PUS10: variants seen among roughly 807,000 people sequenced by gnomAD.
PUS10 encodes the protein tRNA pseudouridine synthase Pus10.
Under a neutral mutation model 75.0 loss-of-function variants are expected in PUS10, and 59 were observed. The observed-to-expected ratio is 0.79, with a 90% CI of 0.64 to 0.98. The LOEUF (loss-of-function observed/expected upper bound fraction) is 0.98, where lower values mean the gene tolerates loss of function less well. PUS10 is among the 50% of genes least tolerant of loss of function. PUS10 has a pLI of 0.00. For synonymous variants in PUS10, 219 were observed against 211.6 expected, an observed-to-expected ratio of 1.03 and a Z score of -0.30; for missense variants, 650 against 614.4, an observed-to-expected ratio of 1.06 and a Z score of -0.61.
chr2:60,987,256 A>G (rs1278321519), intron 4 of PUS10, among the ~76,000 whole-genome samples: 1 of 152,224 alleles, frequency 6.6e-6, no homozygotes, highest in African/African-American at 2.4e-5. Context: ...ATTTAACCAC[A>G]CACCCAGTGA....
intron 2 of PUS10, chr2:61,010,266 A>T (rs1400863749): frequency 6.4e-6 from 1 of 155,454 alleles, no homozygotes; most frequent in East Asian, 1.8e-4. Flanking sequence ...TGTATAAATG[A>T]ATATACACAT....
intron 7 of PUS10, 137 bp from the exon 8 acceptor site, chr2:60,965,240 T>C (rs878999787): frequency 8.0e-6 from 8 of 1,006,194 alleles, no homozygotes; most frequent in African/African-American, 1.6e-5. Context: ...GTATGAGCTA[T>C]ATCGGTTTGC....
intron 4 of PUS10, among the ~76,000 whole-genome samples, chr2:60,976,429 C>T (rs1476665470): frequency 6.6e-6 from 1 of 152,120 alleles, no homozygotes; most frequent in Non-Finnish European, 1.5e-5. Context: ...TCTTAGTGAC[C>T]TTTGTGTCTC....
intron 12 of PUS10, 108 bp from the exon 13 acceptor site, chr2:60,954,266 C>G: frequency 3.1e-6 from 3 of 957,728 alleles, no homozygotes; most frequent in Non-Finnish European, 4.9e-6. Flanking sequence ...CTCTAGAGGA[C>G]TGAAAGTTTA....
chr2:60,972,290 C>T (rs1308228375), intron 4 of PUS10, among the ~76,000 whole-genome samples: 1 of 150,498 alleles, frequency 6.6e-6, no homozygotes, highest in Non-Finnish European at 1.5e-5. Flanking sequence ...GGTGAAACCC[C>T]GTCTCTACTG....
Position 61,008,846 on chromosome 2 carries a change from G to A in PUS10, c.296C>T (p.Thr99Ile). 1 of 1,607,562 alleles carries A rather than the reference G, an allele frequency of 6.2e-7. No homozygotes were observed. The highest frequency in any genetic ancestry group is 8.5e-7 in the Non-Finnish European group (1 of 1,174,324). ...GRISVSHVGS[T>I]ASKNSNLNVC... ...ATTTAAATTTGAGTTCTTGGAAGCA[G>A]TGCTTCCAACATGACTAACAGAGAT... The change falls in exon 3 of 18, where the codon ACT becomes ATT. Residue 99 changes from threonine to isoleucine, a missense_variant. By Grantham distance (89) the Thr-to-Ile change is moderately conservative. Coordinates refer to ENST00000316752, the MANE Select transcript of PUS10 (RefSeq NM_144709.4).
intron 4 of PUS10, among the ~76,000 whole-genome samples, chr2:61,005,063 T>C (rs1478592521): frequency 6.6e-6 from 1 of 152,172 alleles, no homozygotes; most frequent in African/African-American, 2.4e-5. Context: ...GAGACCAGCC[T>C]GACCAACGTG....
At chr2:61,016,868 G>C (rs1231821844) in intron 1 of PUS10, among the ~76,000 whole-genome samples, 1 of 152,116 alleles carries the variant, frequency 6.6e-6, no homozygotes, top group African/African-American at 2.4e-5. Context: ...CGCGGCGTGG[G>C]GCTGGGGGTG....
chr2:60,954,518 A>G (rs1675533546), intron 12 of PUS10, among the ~76,000 whole-genome samples: 1 of 152,242 alleles, frequency 6.6e-6, no homozygotes, highest in Non-Finnish European at 1.5e-5. Flanking sequence ...AGCCTGATCC[A>G]CTAGTGAAAT....
intron 1 of PUS10, among the ~76,000 whole-genome samples, chr2:61,012,974 T>G (rs1679725262): frequency 6.7e-6 from 1 of 148,164 alleles, no homozygotes; most frequent in Non-Finnish European, 1.5e-5. Flanking sequence ...CAAGGTGCAG[T>G]GGCTCACATC....
Position 60,960,495 on chromosome 2 carries a change from C to T in PUS10, c.897G>A (p.Arg299=). ...TTATCCAAGGAGTTTGTGGTAGATTCCTGGAGTATTTATTATATCTCCCTG... is the reference window on the plus strand; with the variant it reads ...TTATCCAAGGAGTTTGTGGTAGATTTCTGGAGTATTTATTATATCTCCCTG... ...FVAGRYNKYS[R]NLPQTPWIID... Residue 299 remains arginine, a synonymous_variant, in exon 11 of 18, where the codon AGG becomes AGA. Transcript: ENST00000316752. 4 of 1,574,904 alleles carry T rather than the reference C, an allele frequency of 2.5e-6. No individual in the cohort carries two copies. Among genetic ancestry groups the T allele is most frequent in the South Asian group, 1.2e-5 (1 of 83,516 alleles).
At position 60,942,413 on chromosome 2, in the gene PUS10, T is replaced by C. The variant is rs1437358217; in HGVS notation, c.1572A>G (p.Pro524=). The change falls in exon 18 of 18, where the codon CCA becomes CCG. Residue 524 remains proline, a synonymous_variant. Coordinates refer to ENST00000316752, the MANE Select transcript of PUS10 (RefSeq NM_144709.4). ...TTGAAAGCTAGTCATCCAGAGCAGG[T>C]GGCCAGTCAACATCTACAGACTAGA... is the stretch of plus-strand genomic sequence containing the variant. ...LDVESVDVDW[P]PALDD 1.1e-5 allele frequency: 17 copies of C among 1,613,544 alleles called. No individual in the cohort carries two copies. Among genetic ancestry groups the C allele is most frequent in the Non-Finnish European group, 1.4e-5 (17 of 1,179,466 alleles).
chr2:60,979,045 A>T (rs1677214192), intron 4 of PUS10, among the ~76,000 whole-genome samples: 1 of 152,232 alleles, frequency 6.6e-6, no homozygotes, highest in African/African-American at 2.4e-5. Flanking sequence ...AAATGACAAT[A>T]GTTGTGTGGG....
At chr2:61,007,789 A>G (rs1326698317) in intron 3 of PUS10, among the ~76,000 whole-genome samples, 1 of 148,672 alleles carries the variant, frequency 6.7e-6, no homozygotes, top group Non-Finnish European at 1.5e-5. Flanking sequence ...AAAAAACAGA[A>G]AAAAAAAAGA....
intron 4 of PUS10, among the ~76,000 whole-genome samples, chr2:60,980,638 C>T (rs1677326970): frequency 6.6e-6 from 1 of 152,188 alleles, no homozygotes; most frequent in Admixed American, 6.5e-5. Flanking sequence ...AACCAAAACA[C>T]CAAGTAGGTC....
At chr2:60,973,307 C>T (rs1382187327) in intron 4 of PUS10, among the ~76,000 whole-genome samples, 1 of 152,236 alleles carries the variant, frequency 6.6e-6, no homozygotes, top group Non-Finnish European at 1.5e-5. Flanking sequence ...GGAGTCTCAC[C>T]CAACTTGCGG....
chr2:61,005,729 A>G (rs1356191822), intron 4 of PUS10, among the ~76,000 whole-genome samples: 1 of 152,218 alleles, frequency 6.6e-6, no homozygotes, highest in Non-Finnish European at 1.5e-5. Context: ...TGTCAGCAAC[A>G]CAGATACTAT....
intron 16 of PUS10, among the ~76,000 whole-genome samples, chr2:60,947,227 T>C (rs1020205373): frequency 2.0e-5 from 3 of 152,220 alleles, no homozygotes; most frequent in African/African-American, 7.2e-5. Context: ...TGTTTTTTTT[T>C]CACAAGGCAC....
intron 4 of PUS10, among the ~76,000 whole-genome samples, chr2:60,975,761 G>GT (rs751903295): frequency 2.9e-4 from 42 of 145,254 alleles, no homozygotes; most frequent in Non-Finnish European, 4.6e-4. Flanking sequence ...CTTTTTCTTT[G>GT]TTTTTTTTCT....
Sources: allele counts gnomAD v4.1 joint callset (sites outside exome capture counted in the v4.1 genomes callset), GRCh38; gene constraint gnomAD v4.1.1; transcripts MANE v1.5; gene names NCBI Gene and HGNC (gene_info 2026-07-23, HGNC 2026-07-21).